ZNF540: variants seen among roughly 807,000 people sequenced by gnomAD.
The protein encoded by ZNF540 is CTD-3064H18.6.
Under a neutral mutation model 11.8 loss-of-function variants are expected in ZNF540, and 3 were observed. The observed-to-expected ratio is 0.25, with a 90% confidence interval of 0.12 to 0.65. The LOEUF (loss-of-function observed/expected upper bound fraction) is 0.65, where lower values mean the gene tolerates loss of function less well. Among genes scored for constraint, ZNF540 ranks in the 30% least tolerant of loss-of-function variants. The probability of loss-of-function intolerance (pLI) is 0.83; values close to 1 mark genes in which losing one functional copy is unlikely to be tolerated. For synonymous variants in ZNF540, 247 were observed against 259.0 expected (o/e 0.95, Z 0.45); for missense variants, 709 against 793.1 (o/e 0.89, Z 1.27).
chr19:37,599,632 G>C lies in ZNF540; in HGVS notation c.16G>C (p.Val6Leu), dbSNP rs1471397396. 1.9e-6 allele frequency: 3 copies of C among 1,613,900 alleles called. No homozygotes were observed. In the Admixed American group the frequency reaches 5.0e-5, roughly 27 times the overall value. The change falls in exon 3 of 5, where the codon GTG becomes CTG. Residue 6 changes from valine (V) to leucine (L), a missense_variant. Val to Leu is a conservative substitution (Grantham distance 32). Coordinates refer to ENST00000316433, the MANE Select transcript of ZNF540 (RefSeq NM_001172225.3). Reference sequence around the variant, plus strand: ...TGTTGGTTTATGGTTTCAGGCATTGGTGACGTTCAGGGATGTGGCTATAGA... The same window carrying C: ...TGTTGGTTTATGGTTTCAGGCATTGCTGACGTTCAGGGATGTGGCTATAGA... MAHAL[V>L]TFRDVAIDFS...
At position 37,598,812 on chromosome 19, in the gene ZNF540, T is replaced by C. The variant is rs75502550; in HGVS notation, c.9+356T>C. Among the ~76,000 whole-genome samples, 11 of 139,318 alleles carry C rather than the reference T, an allele frequency of 7.9e-5. No individual in the cohort carries two copies. In the South Asian group the frequency reaches 2.3e-3, roughly 30 times the overall value. The allele number at this position is 139,318 out of a possible 152,430, so 91.4% of individuals were successfully genotyped here. ...CACAGATCCTGTGTCTGTAGATAAA[T>C]GCAGTTTAATATTGATTGGCCTCAG... On this transcript the variant is annotated intron_variant, in intron 2 of 4. Coordinates refer to ENST00000316433, the MANE Select transcript of ZNF540 (RefSeq NM_001172225.3).
At chr19:37,572,006 A>ATGTACTAAT in intron 1 of ZNF540, among the ~76,000 whole-genome samples, 1 of 150,912 alleles carries the variant, frequency 6.6e-6, no homozygotes, top group Admixed American at 6.6e-5. Context: ...CAAATAGACT[A>ATGTACTAAT]TATGGCCATA....
Position 37,614,009 on chromosome 19 carries a change from C to CACCCAAGCATG in ZNF540, c.*746_*747insACCCAAGCATG. ...CAGCAGTCTACAGTGCAAAAGAGGG[C>CACCCAAGCATG]CTTCACCAGAACCCAAGCATGCTGG... On this transcript the variant is annotated 3_prime_UTR_variant, in exon 5 of 5. Coordinates refer to ENST00000316433, the MANE Select transcript of ZNF540 (RefSeq NM_001172225.3). 1 of 396,080 alleles carries CACCCAAGCATG rather than the reference C, an allele frequency of 2.5e-6. No homozygotes were observed. Among genetic ancestry groups the CACCCAAGCATG allele is most frequent in the Non-Finnish European group, 4.4e-6 (1 of 224,914 alleles). The allele number at this position is 396,080 out of a possible 1,614,324, so 24.5% of individuals were successfully genotyped here.
intron 4 of ZNF540, among the ~76,000 whole-genome samples, chr19:37,602,679 T>A (rs1415844497): frequency 6.6e-6 from 1 of 152,062 alleles, no homozygotes; most frequent in Non-Finnish European, 1.5e-5. Flanking sequence ...GCAAGTAGAT[T>A]GAGAACAAGT....
At position 37,601,095 on chromosome 19, in the gene ZNF540, A is replaced by G. The variant is rs950909684; in HGVS notation, c.222A>G (p.Arg74=). The change falls in exon 4 of 5, where the codon AGA becomes AGG. Residue 74 remains arginine, a synonymous_variant. Transcript: ENST00000316433. ...PCVVARDVTG[R]QCPGLLSRHK... The stretch of plus-strand genomic sequence containing the variant: ...TGGTGGCGAGGGATGTGACAGGAAG[A>G]CAGTGCCCCGGTGAGTTGAGAGTTC... 2 of 1,577,656 alleles carry G rather than the reference A, an allele frequency of 1.3e-6. No individual in the cohort carries two copies. Among genetic ancestry groups the G allele is most frequent in the Admixed American group, 1.8e-5 (1 of 54,424 alleles).
chr19:37,562,631 T>G (rs1285891968), intron 1 of ZNF540: 1 of 152,158 alleles, frequency 6.6e-6, no homozygotes, highest in Non-Finnish European at 1.5e-5. Context: ...ATTAACCTCT[T>G]CTCACCATCA....
intron 1 of ZNF540, among the ~76,000 whole-genome samples, chr19:37,582,888 A>T (rs549106466): frequency 6.6e-6 from 1 of 152,320 alleles, no homozygotes; most frequent in East Asian, 1.9e-4. Context: ...CTGTTCACAT[A>T]GCACTCAGTG....
upstream of ZNF540, among the ~76,000 whole-genome samples, chr19:37,593,242 CG>C (rs1248372382): frequency 2.6e-5 from 4 of 151,626 alleles, no homozygotes; most frequent in Middle Eastern, 3.4e-3. Flanking sequence ...TAGGAAAAAA[CG>C]GGGAAGGATT....
intron 1 of ZNF540, chr19:37,555,855 T>G (rs956789864): frequency 4.4e-5 from 31 of 699,164 alleles, no homozygotes; most frequent in African/African-American, 7.0e-5. Flanking sequence ...TTACAATTTT[T>G]TCTAGTACAT....
At chr19:37,587,878 G>A (rs1319252258) in intron 1 of ZNF540, among the ~76,000 whole-genome samples, 3 of 151,840 alleles carry the variant, frequency 2.0e-5, no homozygotes, top group Non-Finnish European at 2.9e-5. Context: ...CAGGGAGGCC[G>A]AGGCAGGCAG....
chr19:37,559,931 A>G (rs997096327), intron 1 of ZNF540, among the ~76,000 whole-genome samples: 3 of 152,246 alleles, frequency 2.0e-5, no homozygotes, highest in African/African-American at 7.2e-5. Context: ...ATCAAAAAAT[A>G]AACACGAAAG....
intron 1 of ZNF540, among the ~76,000 whole-genome samples, chr19:37,572,761 T>C (rs528063788): frequency 6.6e-6 from 1 of 152,336 alleles, no homozygotes; most frequent in East Asian, 1.9e-4. Flanking sequence ...CAAATAAAAT[T>C]AATTAATTTC....
chr19:37,586,703 G>A (rs1318221298), intron 1 of ZNF540: 1 of 1,613,950 alleles, frequency 6.2e-7, no homozygotes, highest in Admixed American at 1.7e-5. Context: ...TCAATTTTCT[G>A]GGTTCTTCTC....
In ZNF540 at chr19:37,612,831, C is replaced by A. The variant is rs147159252; in HGVS notation, c.1551C>A (p.His517Gln). 2 of 1,614,068 alleles carry A rather than the reference C, an allele frequency of 1.2e-6. No homozygotes were observed. Among genetic ancestry groups the A allele is most frequent in the Non-Finnish European group, 1.7e-6 (2 of 1,180,010 alleles). ...ACCTTACTGAACACCAGAGAATTCA[C>A]ACTGGTGAAAAGCCCTATAAATGTA... ...GFYLTEHQRI[H>Q]TGEKPYKCKE... Residue 517 changes from histidine to glutamine, a missense_variant, in exon 5 of 5, where the codon CAC (histidine) becomes CAA (glutamine). By Grantham distance (24) the His-to-Gln change is conservative. Coordinates refer to ENST00000316433, the MANE Select transcript of ZNF540 (RefSeq NM_001172225.3).
chr19:37,603,636 C>T (rs2044057773), intron 4 of ZNF540, among the ~76,000 whole-genome samples: 1 of 151,396 alleles, frequency 6.6e-6, no homozygotes, highest in Admixed American at 6.6e-5. Context: ...CTCAATAGCT[C>T]GTTCACTTTT....
chr19:37,564,946 T>C (rs2042794349), intron 1 of ZNF540: 1 of 1,613,824 alleles, frequency 6.2e-7, no homozygotes, highest in South Asian at 1.1e-5. Context: ...CTGTATGAAT[T>C]CTTTGATGAT....
intron 1 of ZNF540, among the ~76,000 whole-genome samples, chr19:37,572,020 A>AT (rs371342978): frequency 2.0e-4 from 2 of 9,878 alleles, no homozygotes; most frequent in African/African-American, 9.6e-4. Flanking sequence ...GGCCATAATT[A>AT]GTACATTAGT....
intron 3 of ZNF540, among the ~76,000 whole-genome samples, chr19:37,600,342 C>CCTG (rs1259168105): frequency 6.6e-6 from 1 of 152,128 alleles, no homozygotes; most frequent in East Asian, 1.9e-4. Context: ...AGGTAACAAA[C>CCTG]CTGCACGTAT....
At chr19:37,552,172 T>G (rs1049251397) in intron 1 of ZNF540, among the ~76,000 whole-genome samples, 6 of 152,250 alleles carry the variant, frequency 3.9e-5, no homozygotes, top group African/African-American at 1.4e-4. Flanking sequence ...AAATGTGTGT[T>G]GCTTAATTTG....
Sources: gnomAD v4.1 joint callset for allele counts (sites outside exome capture counted in the v4.1 genomes callset) on GRCh38, gnomAD v4.1.1 for gene constraint, MANE v1.5 for transcripts, NCBI Gene and HGNC (gene_info 2026-07-23, HGNC 2026-07-21) for gene names.